POR: variants seen among roughly 807,000 people sequenced by gnomAD.
POR encodes cytochrome p450 oxidoreductase.
A neutral mutation model predicts 84.0 loss-of-function variants in POR; 56 were observed. That is an observed-to-expected ratio of 0.67 (90% confidence interval 0.54 to 0.83). POR has a LOEUF of 0.83. Ranked by LOEUF, POR falls within the 40% of genes least tolerant of loss-of-function variation. The pLI, the probability that POR is intolerant of heterozygous loss-of-function variation, is 0.00. For missense variants in POR, 938 were observed against 944.3 expected, an observed-to-expected ratio of 0.99 and a Z score of 0.09; for synonymous variants, 414 against 400.5, an observed-to-expected ratio of 1.03 and a Z score of -0.40.
rs560452654 is a variant in POR at position 75,964,209 on chromosome 7, G to T, written c.189-8204G>T. ...GAGATGGGGTTTCACCATGTTGACC[G>T]GGCTGGTCTTGAACTCCTGACCTCA... is the stretch of plus-strand genomic sequence containing the variant. On this transcript the variant is annotated intron_variant, in intron 2 of 15. Transcript: ENST00000461988. Among the ~76,000 whole-genome samples, 9 of 150,506 alleles carry T rather than the reference G, an allele frequency of 6.0e-5. No individual in the cohort carries two copies. The East Asian group carries it at 1.8e-3, about 30-fold the overall frequency.
intron 2 of POR, among the ~76,000 whole-genome samples, chr7:75,954,495 A>G (rs898593330): frequency 2.3e-4 from 35 of 152,138 alleles, no homozygotes; most frequent in African/African-American, 8.5e-4. Context: ...TTAGCCAGCA[A>G]TAGCAGCGCT....
intron 1 of POR, chr7:75,944,043 G>A (rs1787070541): frequency 3.4e-6 from 1 of 290,212 alleles, no homozygotes; most frequent in African/African-American, 2.2e-5. Context: ...GGCCCAGTGT[G>A]AGTCAGGACT....
chr7:75,953,375 C>T (rs1787539760), intron 1 of POR, among the ~76,000 whole-genome samples: 1 of 149,892 alleles, frequency 6.7e-6, no homozygotes, highest in South Asian at 2.1e-4. Flanking sequence ...AAAAAAAAGA[C>T]TCCCAGGCAT....
chr7:75,915,777 T>A (rs1806532549), intron 1 of POR: 1 of 152,016 alleles, frequency 6.6e-6, no homozygotes, highest in South Asian at 2.1e-4. Context: ...GGTACCCGGA[T>A]CTCCTGGGGG....
intron 1 of POR, among the ~76,000 whole-genome samples, chr7:75,925,551 C>T (rs1807072975): frequency 2.0e-5 from 3 of 152,114 alleles, no homozygotes; most frequent in Non-Finnish European, 2.9e-5. Flanking sequence ...AAGTGCTTTT[C>T]CCTGGGCCTT....
chr7:75,950,692 A>G (rs1787373836), intron 1 of POR, among the ~76,000 whole-genome samples: 3 of 152,226 alleles, frequency 2.0e-5, no homozygotes, highest in Non-Finnish European at 4.4e-5. Flanking sequence ...TTAAGTAAAT[A>G]TTAAATGTGT....
chr7:75,966,370 G>A lies in POR; in HGVS notation c.189-6043G>A, dbSNP rs41296491. ...CTTTCTGTTTTCACCAAAGACTGGCGTTTCCAACCATTAGCCCCATGCCAC... is the reference window on the plus strand; with the variant it reads ...CTTTCTGTTTTCACCAAAGACTGGCATTTCCAACCATTAGCCCCATGCCAC... On this transcript the variant is annotated intron_variant, in intron 2 of 15. Transcript: ENST00000461988. Among the ~76,000 whole-genome samples, 1,216 of 152,262 alleles carry A rather than the reference G, an allele frequency of 8.0e-3. 16 individuals carry two copies. The highest frequency in any genetic ancestry group is 0.028 in the African/African-American group (1,159 of 41,532).
intron 1 of POR, among the ~76,000 whole-genome samples, chr7:75,936,086 CTTTTTTTTT>C (rs869164954): frequency 8.0e-5 from 8 of 99,790 alleles, no homozygotes; most frequent in African/African-American, 1.3e-4. Flanking sequence ...TTCTTTCTTT[CTTTTTTTTT>C]TTTTTTTTTT....
intron 1 of POR, among the ~76,000 whole-genome samples, chr7:75,940,431 A>G (rs2116333928): frequency 6.6e-6 from 1 of 151,916 alleles, no homozygotes; most frequent in East Asian, 1.9e-4. Context: ...TGATTTCCCA[A>G]TTTACGCAGA....
intron 1 of POR, among the ~76,000 whole-genome samples, chr7:75,933,376 G>GTTTTTTTTGTTT (rs1807510490): frequency 1.1e-5 from 1 of 92,086 alleles, no homozygotes; most frequent in African/African-American, 3.2e-5. Context: ...ATAGGTCTTT[G>GTTTTTTTTGTTT]TTTTTTTTTT....
In POR at chr7:75,984,928, C is replaced by T; in HGVS notation, c.1218C>T (p.Arg406=). 6.2e-7 allele frequency: 1 copy of T among 1,602,366 alleles called. No individual in the cohort carries two copies. The highest frequency in any genetic ancestry group is 8.5e-7 in the Non-Finnish European group (1 of 1,172,018). ...AGCCCTCGGAGCAGGAGCTGCTGCGCAAGATGGCCTCCTCCTCCGGCGAGG... is the reference window on the plus strand; with the variant it reads ...AGCCCTCGGAGCAGGAGCTGCTGCGTAAGATGGCCTCCTCCTCCGGCGAGG... The change falls in exon 11 of 16, where the codon CGC becomes CGT. Residue 406 remains arginine (R), a synonymous_variant. Coordinates refer to ENST00000461988, the MANE Select transcript of POR (RefSeq NM_000941.3).
intron 2 of POR, among the ~76,000 whole-genome samples, chr7:75,957,659 A>G (rs1196863750): frequency 6.6e-6 from 1 of 152,186 alleles, no homozygotes; most frequent in Non-Finnish European, 1.5e-5. Flanking sequence ...TGGGAGCTGT[A>G]GGGTCCCAAA....
chr7:75,974,212 T>C (rs537997199), intron 3 of POR, among the ~76,000 whole-genome samples: 1 of 152,282 alleles, frequency 6.6e-6, no homozygotes, highest in East Asian at 1.9e-4. Context: ...GGTTTGCACA[T>C]TTCAAATACA....
intron 1 of POR, among the ~76,000 whole-genome samples, chr7:75,920,197 C>T (rs1806785709): frequency 6.6e-6 from 1 of 150,390 alleles, no homozygotes; most frequent in African/African-American, 2.5e-5. Flanking sequence ...TCCCAAGTAG[C>T]TGGGATTACA....
chr7:75,985,243 G>A (rs782324508), intron 12 of POR, 36 bp downstream of exon 12: 2 of 1,553,244 alleles, frequency 1.3e-6, no homozygotes, highest in Non-Finnish European at 1.7e-6. Flanking sequence ...CCACACGCTG[G>A]AGGCCCAGCC....
At chr7:75,936,925 C>G (rs908486685) in intron 1 of POR, among the ~76,000 whole-genome samples, 1 of 148,708 alleles carries the variant, frequency 6.7e-6, no homozygotes, top group South Asian at 2.1e-4. Context: ...CTCCCGGGTT[C>G]ATGCCATTCT....
intron 3 of POR, among the ~76,000 whole-genome samples, chr7:75,976,616 G>C (rs529440230): frequency 2.0e-5 from 3 of 149,154 alleles, no homozygotes; most frequent in Non-Finnish European, 4.4e-5. Flanking sequence ...GCATGGTGAC[G>C]GACACCTGTA....
At position 75,984,787 on chromosome 7, in the gene POR, C is replaced by A. The variant is rs782716205; in HGVS notation, c.1077C>A (p.Asn359Lys). 3 of 1,612,420 alleles carry A rather than the reference C, an allele frequency of 1.9e-6. No homozygotes were observed. Among genetic ancestry groups the A allele is most frequent in the South Asian group, 1.1e-5 (1 of 91,084 alleles). The stretch of plus-strand genomic sequence containing the variant: ...GTCTCTTCCCTGCAGAGGAGTCCAA[C>A]AAGAAGCACCCATTCCCGTGCCCTA... The change falls in exon 11 of 16, where the codon AAC becomes AAA. Residue 359 changes from asparagine to lysine, a missense_variant. By Grantham distance (94) the Asn-to-Lys change is moderately conservative (BLOSUM62 0). Coordinates refer to ENST00000461988, the MANE Select transcript of POR (RefSeq NM_000941.3).
At chr7:75,957,178 G>C (rs990531339) in intron 2 of POR, among the ~76,000 whole-genome samples, 1 of 152,198 alleles carries the variant, frequency 6.6e-6, no homozygotes, top group Non-Finnish European at 1.5e-5. Flanking sequence ...ACAGGCTGGA[G>C]AGACAGGCTC....
Sources: gnomAD v4.1 joint callset for allele counts (sites outside exome capture counted in the v4.1 genomes callset) on GRCh38, gnomAD v4.1.1 for gene constraint, MANE v1.5 for transcripts, NCBI Gene and HGNC (gene_info 2026-07-23, HGNC 2026-07-21) for gene names.